Variants in GRK5 observed in about 807,000 individuals in gnomAD.
GRK5 encodes the protein G protein-coupled receptor kinase 5.
In GRK5, 40 loss-of-function variants were observed where a neutral mutation model predicts 78.4. The ratio of observed to expected loss-of-function variants is 0.51; its 90% confidence interval spans 0.40 to 0.66. The LOEUF is 0.66. GRK5 is among the 30% of genes least tolerant of loss of function. GRK5 has a pLI of 0.00. For synonymous variants in GRK5, 289 were observed against 296.8 expected (o/e 0.97, Z 0.27); for missense variants, 598 against 759.9 (o/e 0.79, Z 2.50).
intron 1 of GRK5, among the ~76,000 whole-genome samples, chr10:119,258,750 A>T (rs886728453): frequency 6.6e-6 from 1 of 152,130 alleles, no homozygotes; most frequent in South Asian, 2.1e-4. Context: ...AACTCCCCCC[A>T]CCTCCAGCAG....
chr10:119,325,888 T>A (rs1250938661), intron 1 of GRK5, among the ~76,000 whole-genome samples: 1 of 152,276 alleles, frequency 6.6e-6, no homozygotes, highest in African/African-American at 2.4e-5. Context: ...ATGTTCATCA[T>A]GTCCACGTGC....
intron 1 of GRK5, among the ~76,000 whole-genome samples, chr10:119,291,932 T>TTCCTCCTCTTTTTCCTCCTTCTC (rs1554903419): frequency 1.1e-5 from 1 of 89,404 alleles, no homozygotes; most frequent in South Asian, 5.2e-4. Context: ...TCCTCCTTCT[T>TTCCTCCTCTTTTTCCTCCTTCTC]TTCCTCCTCT....
At chr10:119,368,639 A>G (rs1360043286) in intron 2 of GRK5, among the ~76,000 whole-genome samples, 1 of 152,218 alleles carries the variant, frequency 6.6e-6, no homozygotes, top group Non-Finnish European at 1.5e-5. Context: ...GTGGAGCTGG[A>G]CACAAAGCCC....
chr10:119,244,775 T>A (rs2133745110), intron 1 of GRK5, among the ~76,000 whole-genome samples: 1 of 152,264 alleles, frequency 6.6e-6, no homozygotes, highest in Non-Finnish European at 1.5e-5. Context: ...CAATGAGCTG[T>A]CACCTCATAC....
At chr10:119,343,683 G>A (rs547471969) in intron 2 of GRK5, among the ~76,000 whole-genome samples, 35 of 152,350 alleles carry the variant, frequency 2.3e-4, no homozygotes, top group African/African-American at 8.2e-4. Context: ...AAGGTCAGGG[G>A]AGGCTGGGTT....
chr10:119,335,177 C>CTCTCTCTCTCTCTCTCTCT (rs1850858582), intron 2 of GRK5, among the ~76,000 whole-genome samples: 1 of 35,794 alleles, frequency 2.8e-5, no homozygotes. Context: ...TCTCTCTCTC[C>CTCTCTCTCTCTCTCTCTCT]CCCTCTCCCT....
At chr10:119,339,581 A>G (rs753388952) in intron 2 of GRK5, among the ~76,000 whole-genome samples, 11 of 152,174 alleles carry the variant, frequency 7.2e-5, no homozygotes, top group Admixed American at 6.5e-5. Context: ...TTTGGGGCCA[A>G]TATAAACTTC....
chr10:119,447,504 C>T (rs531945033), intron 12 of GRK5, among the ~76,000 whole-genome samples: 62 of 152,296 alleles, frequency 4.1e-4, no homozygotes, highest in African/African-American at 1.4e-3. Context: ...ACCCCTCCCC[C>T]TACCCACACC....
chr10:119,343,433 C>A (rs1237630471), intron 2 of GRK5, among the ~76,000 whole-genome samples: 1 of 152,232 alleles, frequency 6.6e-6, no homozygotes, highest in Non-Finnish European at 1.5e-5. Flanking sequence ...CTGCCTTCCC[C>A]ACCCCTATTT....
chr10:119,296,737 A>G (rs1564881371), intron 1 of GRK5, among the ~76,000 whole-genome samples: 1 of 152,330 alleles, frequency 6.6e-6, no homozygotes, highest in East Asian at 1.9e-4. Context: ...TGCGGCCCTC[A>G]TAGAACAACC....
In GRK5 at chr10:119,253,503, G is replaced by T. The variant is rs59652891; in HGVS notation, c.52+45534G>T. Among the ~76,000 whole-genome samples, 2,003 of 152,246 alleles carry T rather than the reference G, an allele frequency of 0.013. 40 individuals are homozygous for T. The highest frequency in any genetic ancestry group is 0.045 in the African/African-American group (1,853 of 41,522). On this transcript the variant is annotated intron_variant, in intron 1 of 15. Transcript: ENST00000392870. This position sits in a 1 kb window ranked among gnomAD's most constrained non-coding sequence, Gnocchi z 5.7. ...AGCTGCTCTATTTTTCATGCCTCTT[G>T]CCTGGGTCTAAGCCCTGGAGCTTAG...
intron 1 of GRK5, among the ~76,000 whole-genome samples, chr10:119,274,344 G>A (rs1321704825): frequency 6.6e-6 from 1 of 152,222 alleles, no homozygotes; most frequent in African/African-American, 2.4e-5. Context: ...CGACTGATAA[G>A]TGTTCAGGGG....
At chr10:119,251,120 G>A (rs1464474115) in intron 1 of GRK5, among the ~76,000 whole-genome samples, 4 of 149,864 alleles carry the variant, frequency 2.7e-5, no homozygotes, top group Non-Finnish European at 4.4e-5. Flanking sequence ...TTTTTCTCAC[G>A]TTGACATTAA....
intron 3 of GRK5, among the ~76,000 whole-genome samples, chr10:119,385,134 G>C (rs1023418720): frequency 1.3e-5 from 2 of 152,170 alleles, no homozygotes; most frequent in Non-Finnish European, 2.9e-5. Context: ...AGGGGCAGAG[G>C]GGGTAGGAGA....
intron 1 of GRK5, among the ~76,000 whole-genome samples, chr10:119,252,610 C>T (rs532475480): frequency 6.6e-6 from 1 of 152,238 alleles, no homozygotes; most frequent in East Asian, 1.9e-4. Flanking sequence ...TCATGTTTCT[C>T]GTAAAGCTGA....
At chr10:119,363,662 C>T (rs557952153) in intron 2 of GRK5, among the ~76,000 whole-genome samples, 1 of 152,174 alleles carries the variant, frequency 6.6e-6, no homozygotes, top group African/African-American at 2.4e-5. Context: ...CAAGATGGTG[C>T]CCACTGTGTT....
chr10:119,207,793 G>T lies in GRK5; in HGVS notation c.-125G>T, dbSNP rs1214944465. 6 of 887,678 alleles carry T rather than the reference G, an allele frequency of 6.8e-6. No homozygotes were observed. The highest frequency in any genetic ancestry group is 5.3e-5 in the South Asian group (3 of 57,046). 55.0% of individuals were successfully genotyped at this position (887,678 alleles called of 1,614,324 possible). On this transcript the variant is annotated 5_prime_UTR_variant, in exon 1 of 16. Transcript: ENST00000392870. ...GAGCAGGAATAATGCGGTAGGCAAG[G>T]CGGGCTGCTGGCTCCCCCGGCTCCG...
At chr10:119,263,158 C>T (rs1051529677) in intron 1 of GRK5, among the ~76,000 whole-genome samples, 6 of 152,086 alleles carry the variant, frequency 3.9e-5, no homozygotes, top group Non-Finnish European at 5.9e-5. Context: ...CAGGCGCGCA[C>T]ACCACACCCA....
intron 1 of GRK5, among the ~76,000 whole-genome samples, chr10:119,290,964 C>G (rs1221906345): frequency 6.6e-6 from 1 of 152,022 alleles, no homozygotes; most frequent in Non-Finnish European, 1.5e-5. Flanking sequence ...AGTGAATGAG[C>G]CCAGGATGGA....
Sources: gnomAD v4.1 joint callset for allele counts (sites outside exome capture counted in the v4.1 genomes callset) on GRCh38, gnomAD v4.1.1 for gene constraint, Gnocchi (gnomAD v3.1) non-coding constraint, MANE v1.5 for transcripts, NCBI Gene and HGNC (gene_info 2026-07-23, HGNC 2026-07-21) for gene names.